Variants in KLF17 observed in about 807,000 individuals in gnomAD.
KLF17 encodes Krueppel-like factor 17.
KLF17 carries 31 observed loss-of-function variants against 34.2 expected under a neutral mutation model. That is an observed-to-expected ratio of 0.91 (90% CI 0.68 to 1.22). The LOEUF is 1.22. Among genes scored for constraint, KLF17 ranks in the 50% most tolerant of loss-of-function variants. The pLI is 0.00. For missense variants in KLF17, 478 were observed against 505.2 expected, an observed-to-expected ratio of 0.95 and a Z score of 0.52; for synonymous variants, 179 against 186.7, an observed-to-expected ratio of 0.96 and a Z score of 0.34.
the KLF17 span, among the ~76,000 whole-genome samples, chr1:44,078,018 T>C: frequency 8.5e-5 from 13 of 152,382 alleles, no homozygotes; most frequent in South Asian, 1.4e-3. Flanking sequence ...TGATTATATA[T>C]GCTGCAAATA....
chr1:44,090,306 C>CAAA, the KLF17 span, among the ~76,000 whole-genome samples: 318 of 23,418 alleles, frequency 0.014, 56 homozygotes, highest in African/African-American at 0.021. Flanking sequence ...CTTGTCTCTA[C>CAAA]AAAAAAAAAA....
At chr1:44,112,194 C>T in the KLF17 span, among the ~76,000 whole-genome samples, 9 of 152,148 alleles carry the variant, frequency 5.9e-5, no homozygotes, top group African/African-American at 2.2e-4. Flanking sequence ...AACAATGGTG[C>T]AATACTTGTA....
chr1:44,127,442 A>G (rs1488081078), intron 1 of KLF17, among the ~76,000 whole-genome samples: 1 of 151,720 alleles, frequency 6.6e-6, no homozygotes, highest in South Asian at 2.1e-4. Flanking sequence ...GAATTTCCCT[A>G]TTTCTGACCT....
the KLF17 span, among the ~76,000 whole-genome samples, chr1:44,084,705 T>C: frequency 6.7e-6 from 1 of 149,608 alleles, no homozygotes; most frequent in Admixed American, 6.7e-5. Flanking sequence ...AGTTTTTGAT[T>C]GGTGGTGACT....
At position 44,118,838 on chromosome 1, in the gene KLF17, C is replaced by G; in HGVS notation, c.-70C>G. 1.6e-6 allele frequency: 2 copies of G among 1,229,694 alleles called. No homozygotes were observed. Among genetic ancestry groups the G allele is most frequent in the African/African-American group, 1.5e-5 (1 of 65,242 alleles). 76.2% of individuals were successfully genotyped at this position (1,229,694 alleles called of 1,614,324 possible). ...ATTGTGGCGTGGCGATGTACCGATA[C>G]CCGCCTGCGACGCCGTGGTGGCTGG... is the stretch of plus-strand genomic sequence containing the variant. On this transcript the variant is annotated 5_prime_UTR_variant, in exon 1 of 4. It introduces an in-frame stop codon into an upstream open reading frame of the 5' UTR. Transcript: ENST00000372299.
chr1:44,108,993 G>A, the KLF17 span, among the ~76,000 whole-genome samples: 2 of 152,100 alleles, frequency 1.3e-5, no homozygotes, highest in African/African-American at 4.8e-5. Context: ...ATGACAGATT[G>A]TTTATTTGTG....
At chr1:44,083,847 C>A in the KLF17 span, among the ~76,000 whole-genome samples, 2 of 150,248 alleles carry the variant, frequency 1.3e-5, no homozygotes, top group African/African-American at 4.9e-5. Flanking sequence ...CTGAGGCAGA[C>A]ATCTTCTCAA....
the KLF17 span, among the ~76,000 whole-genome samples, chr1:44,105,928 C>A: frequency 1.3e-5 from 2 of 151,994 alleles, no homozygotes; most frequent in Non-Finnish European, 1.5e-5. Context: ...CTTTTGGAGG[C>A]TGGGGTGGGA....
intron 1 of KLF17, among the ~76,000 whole-genome samples, chr1:44,121,657 C>T (rs2087947450): frequency 1.3e-5 from 2 of 152,120 alleles, no homozygotes; most frequent in Admixed American, 6.6e-5. Context: ...AGATTGCTTC[C>T]TCATGATAAC....
Position 44,130,599 on chromosome 1 carries a change from C to G in KLF17, c.1013C>G (p.Thr338Ser), listed in dbSNP as rs752180233. 1 of 1,614,094 alleles carries G rather than the reference C, an allele frequency of 6.2e-7. No homozygotes were observed. Among genetic ancestry groups the G allele is most frequent in the Non-Finnish European group, 8.5e-7 (1 of 1,180,020 alleles). Residue 338 changes from threonine (T) to serine (S), a missense_variant, in exon 3 of 4, where the codon ACC becomes AGC. Thr to Ser is a moderately conservative substitution (Grantham distance 58). Transcript: ENST00000372299. ...DELRRHMRVH[T>S]RYRPYKCDQC... ...CTTAGACGACATATGCGGGTACACA[C>G]CAGATATCGACCATATAAATGTGAT...
chr1:44,102,565 TACACACACACACACAC>T, the KLF17 span, among the ~76,000 whole-genome samples: 10 of 89,270 alleles, frequency 1.1e-4, no homozygotes, highest in Non-Finnish European at 1.4e-4. Context: ...CACATACACA[TACACACACACACACAC>T]ACACACACAC....
At chr1:44,083,495 G>A in the KLF17 span, among the ~76,000 whole-genome samples, 1 of 152,010 alleles carries the variant, frequency 6.6e-6, no homozygotes, top group East Asian at 1.9e-4. Flanking sequence ...AAGGCTAAAA[G>A]CTCATGAAAT....
chr1:44,119,417 A>C (rs1199716001), intron 1 of KLF17, among the ~76,000 whole-genome samples: 2 of 151,460 alleles, frequency 1.3e-5, no homozygotes, highest in East Asian at 2.0e-4. Flanking sequence ...AAAAAAAAAA[A>C]ACCCCAAAAA....
the KLF17 span, among the ~76,000 whole-genome samples, chr1:44,098,881 G>A: frequency 4.0e-5 from 6 of 148,612 alleles, no homozygotes; most frequent in East Asian, 1.2e-3. Flanking sequence ...CAGATTTTAG[G>A]TCTTACTCAC....
chr1:44,067,436 C>T, the KLF17 span, among the ~76,000 whole-genome samples: 3 of 152,052 alleles, frequency 2.0e-5, no homozygotes, highest in Non-Finnish European at 2.9e-5. Flanking sequence ...GTCAGGTTCC[C>T]GAGAACAGAG....
chr1:44,129,857 G>T lies in KLF17; in HGVS notation c.586G>T (p.Val196Leu). The T allele has an allele frequency of 1.2e-6, 2 of 1,614,186 alleles. No homozygotes were observed. Among genetic ancestry groups the T allele is most frequent in the Non-Finnish European group, 1.7e-6 (2 of 1,180,044 alleles). The change falls in exon 2 of 4, where the codon GTG (valine) becomes TTG (leucine). Residue 196 changes from valine (V) to leucine (L), a missense_variant. Transcript: ENST00000372299. ...PSDETLLGPT[V>L]PSTEAQAVLP... ...TGACGAAACATTGTTGGGCCCGACT[G>T]TGCCTTCCACTGAGGCCCAGGCAGT...
At chr1:44,069,512 GAAGAC>G in the KLF17 span, among the ~76,000 whole-genome samples, 1 of 114,548 alleles carries the variant, frequency 8.7e-6, no homozygotes, top group Non-Finnish European at 1.7e-5. This position sits in a 1 kb window ranked among gnomAD's most constrained non-coding sequence, Gnocchi z 4.7. Flanking sequence ...GAGAGAGAGA[GAAGAC>G]AGGAGGAGCC....
the KLF17 span, chr1:44,103,734 C>G: frequency 4.4e-6 from 6 of 1,353,870 alleles, no homozygotes; most frequent in Non-Finnish European, 6.3e-6. Context: ...GGCGTTGGCA[C>G]CCTTAACTGC....
In KLF17 at chr1:44,129,819, C is replaced by T. The variant is rs751848711; in HGVS notation, c.548C>T (p.Ser183Leu). Residue 183 changes from serine to leucine, a missense_variant, in exon 2 of 4, where the codon TCG (serine) becomes TTG (leucine). By Grantham distance (145) the Ser-to-Leu change is moderately radical. Transcript: ENST00000372299. ...GNPPVPYPGL[S>L]TVPSDETLLG... The stretch of plus-strand genomic sequence containing the variant: ...CCTCCAGTGCCTTACCCTGGCCTCT[C>T]GACAGTACCTTCTGACGAAACATTG... The T allele has an allele frequency of 1.7e-5, 27 of 1,614,154 alleles. No individual in the cohort carries two copies. Among genetic ancestry groups the T allele is most frequent in the African/African-American group, 6.7e-5 (5 of 75,042 alleles).
Sources: gnomAD v4.1 joint callset for allele counts (sites outside exome capture counted in the v4.1 genomes callset) on GRCh38, gnomAD v4.1.1 for gene constraint, Gnocchi (gnomAD v3.1) non-coding constraint, MANE v1.5 for transcripts, NCBI Gene and HGNC (gene_info 2026-07-23, HGNC 2026-07-21) for gene names.